FHIT: variants seen among roughly 807,000 people sequenced by gnomAD.
FHIT encodes fragile histidine triad diadenosine triphosphatase.
FHIT carries 19 observed loss-of-function variants against 17.9 expected under a neutral mutation model. The observed-to-expected ratio is 1.06, with a 90% CI of 0.74 to 1.56. The LOEUF is 1.56. FHIT is among the 40% of genes most tolerant of loss of function. The probability of loss-of-function intolerance (pLI) is 0.00; values close to 1 mark genes in which losing one functional copy is unlikely to be tolerated. For missense variants in FHIT, 248 were observed against 189.2 expected (o/e 1.31, Z -1.82); for synonymous variants, 81 against 69.7 (o/e 1.16, Z -0.81).
At chr3:59,850,476 A>G (rs866871591) in intron 8 of FHIT, among the ~76,000 whole-genome samples, 3 of 152,158 alleles carry the variant, frequency 2.0e-5, no homozygotes, top group Non-Finnish European at 2.9e-5. Flanking sequence ...AAGCCCTCCA[A>G]TAAAAAATGT....
At chr3:60,396,345 G>C (rs1346481882) in intron 5 of FHIT, among the ~76,000 whole-genome samples, 4 of 152,284 alleles carry the variant, frequency 2.6e-5, no homozygotes, top group Admixed American at 2.6e-4. Flanking sequence ...AGGGGAAGGA[G>C]TAAATCCCCT....
intron 5 of FHIT, among the ~76,000 whole-genome samples, chr3:60,491,595 A>G (rs1422264233): frequency 2.0e-5 from 3 of 152,236 alleles, no homozygotes; most frequent in African/African-American, 7.2e-5. Context: ...TACAAAATTT[A>G]TGAATGCAGT....
chr3:61,180,628 T>C (rs2038309642), intron 2 of FHIT, among the ~76,000 whole-genome samples: 1 of 152,236 alleles, frequency 6.6e-6, no homozygotes, highest in Admixed American at 6.5e-5. Context: ...ACCGAGGTTA[T>C]GTTTGTGCAG....
intron 3 of FHIT, among the ~76,000 whole-genome samples, chr3:60,930,478 A>G (rs142791265): frequency 0.27 from 40,949 of 152,068 alleles, 5,646 homozygotes; most frequent in Middle Eastern, 0.34. Context: ...CTGACAAAGG[A>G]CTAATATCCA....
chr3:59,929,040 C>T (rs1196117126), intron 7 of FHIT, among the ~76,000 whole-genome samples: 2 of 142,676 alleles, frequency 1.4e-5, no homozygotes, highest in East Asian at 4.1e-4. Flanking sequence ...ATAACAAATG[C>T]TGGCAAGGAA....
At chr3:59,985,958 A>AG (rs1353780216) in intron 7 of FHIT, among the ~76,000 whole-genome samples, 1 of 151,856 alleles carries the variant, frequency 6.6e-6, no homozygotes, top group African/African-American at 2.4e-5. Context: ...AGAGAGAGAG[A>AG]AAAAAAAGAG....
intron 4 of FHIT, among the ~76,000 whole-genome samples, chr3:60,594,514 G>A (rs1315889165): frequency 1.3e-5 from 2 of 152,084 alleles, no homozygotes; most frequent in Non-Finnish European, 2.9e-5. Flanking sequence ...AGTGAAAGCT[G>A]ACTCTGATCA....
intron 4 of FHIT, among the ~76,000 whole-genome samples, chr3:60,742,420 A>G (rs2042258012): frequency 6.6e-6 from 1 of 152,186 alleles, no homozygotes; most frequent in African/African-American, 2.4e-5. Context: ...GAAGGTCTAT[A>G]TTCTTCATTC....
intron 7 of FHIT, among the ~76,000 whole-genome samples, chr3:59,989,949 G>A (rs796569330): frequency 2.0e-5 from 3 of 152,158 alleles, no homozygotes; most frequent in African/African-American, 7.2e-5. Flanking sequence ...CATAGTAGAA[G>A]AAAGAGTCAA....
chr3:60,577,175 G>A (rs553770161), intron 4 of FHIT, among the ~76,000 whole-genome samples: 1 of 152,188 alleles, frequency 6.6e-6, no homozygotes, highest in Middle Eastern at 3.4e-3. Flanking sequence ...CATGAGGTTT[G>A]GTACTACATG....
chr3:59,961,927 G>C (rs997430879), intron 7 of FHIT, among the ~76,000 whole-genome samples: 2 of 151,814 alleles, frequency 1.3e-5, no homozygotes, highest in African/African-American at 2.4e-5. Context: ...GCTTTCCTAA[G>C]AGACATGAGA....
intron 5 of FHIT, among the ~76,000 whole-genome samples, chr3:60,081,752 T>G (rs1188218688): frequency 6.6e-6 from 1 of 152,030 alleles, no homozygotes; most frequent in Non-Finnish European, 1.5e-5. Context: ...GTGTGTGTGT[T>G]TTGAGAGATA....
At chr3:60,335,359 T>C (rs1710183641) in intron 5 of FHIT, among the ~76,000 whole-genome samples, 1 of 152,224 alleles carries the variant, frequency 6.6e-6, no homozygotes, top group Non-Finnish European at 1.5e-5. Flanking sequence ...CATATTATTG[T>C]ACCTTGTCTT....
At chr3:60,569,343 A>G (rs1456258594) in intron 4 of FHIT, among the ~76,000 whole-genome samples, 1 of 152,166 alleles carries the variant, frequency 6.6e-6, no homozygotes, top group Non-Finnish European at 1.5e-5. Context: ...GTACTGTGAT[A>G]AAGTGATTGA....
At chr3:61,130,642 C>A (rs878895372) in intron 2 of FHIT, among the ~76,000 whole-genome samples, 1 of 152,132 alleles carries the variant, frequency 6.6e-6, no homozygotes, top group Non-Finnish European at 1.5e-5. Context: ...AAGAGGCACA[C>A]GAACACAGGA....
At chr3:61,190,499 C>T (rs1037880452) in intron 2 of FHIT, among the ~76,000 whole-genome samples, 20 of 152,294 alleles carry the variant, frequency 1.3e-4, no homozygotes, top group African/African-American at 4.8e-4. Flanking sequence ...TAAACTAGTT[C>T]AACCATTGTG....
intron 4 of FHIT, among the ~76,000 whole-genome samples, chr3:60,577,390 G>C (rs2037606074): frequency 6.6e-6 from 1 of 152,046 alleles, no homozygotes; most frequent in Admixed American, 6.6e-5. Context: ...AAATAACAGG[G>C]ACAATTTAAT....
intron 5 of FHIT, among the ~76,000 whole-genome samples, chr3:60,408,197 G>A (rs924883031): frequency 6.6e-6 from 1 of 152,026 alleles, no homozygotes. Flanking sequence ...AGGTTGTAAC[G>A]GCCCACTGGA....
intron 2 of FHIT, among the ~76,000 whole-genome samples, chr3:61,151,832 C>G (rs779493234): frequency 2.0e-5 from 3 of 152,134 alleles, no homozygotes; most frequent in Non-Finnish European, 4.4e-5. Context: ...ACCCGCCCAC[C>G]TAGGCCTCCC....
Sources: allele counts gnomAD v4.1 joint callset (sites outside exome capture counted in the v4.1 genomes callset), GRCh38; gene constraint gnomAD v4.1.1; transcripts MANE v1.5; gene names NCBI Gene and HGNC (gene_info 2026-07-23, HGNC 2026-07-21).